The following SCFD2 variants were observed in gnomAD, a reference collection of about 807,000 sequenced individuals.
SCFD2 encodes the protein sec1 family domain-containing protein 2.
SCFD2 carries 54 observed loss-of-function variants against 58.9 expected under a neutral mutation model. The observed-to-expected ratio is 0.92, with a 90% CI of 0.74 to 1.15. The LOEUF (loss-of-function observed/expected upper bound fraction) is 1.15, where lower values mean the gene tolerates loss of function less well. Ranked by LOEUF, SCFD2 falls within the 50% of genes most tolerant of loss-of-function variation. The pLI is 0.00. For synonymous variants in SCFD2, 321 were observed against 335.9 expected (o/e 0.96, Z 0.49); for missense variants, 805 against 836.6 (o/e 0.96, Z 0.47).
At chr4:53,138,719 T>G (rs1307250540) in intron 5 of SCFD2, among the ~76,000 whole-genome samples, 1 of 152,254 alleles carries the variant, frequency 6.6e-6, no homozygotes, top group Non-Finnish European at 1.5e-5. Flanking sequence ...CCATTGAGTA[T>G]GCTTAAATTT....
At chr4:53,221,314 G>T (rs1202436642) in intron 4 of SCFD2, among the ~76,000 whole-genome samples, 4 of 152,186 alleles carry the variant, frequency 2.6e-5, no homozygotes, top group Non-Finnish European at 5.9e-5. Context: ...AAACCAAGGA[G>T]CAAAAGATCT....
At chr4:53,228,138 T>G (rs1253236967) in intron 4 of SCFD2, among the ~76,000 whole-genome samples, 2 of 152,182 alleles carry the variant, frequency 1.3e-5, no homozygotes, top group African/African-American at 2.4e-5. Context: ...ACAATGCATA[T>G]GAAGCATTTA....
chr4:53,125,590 G>A (rs186379194), intron 5 of SCFD2, among the ~76,000 whole-genome samples: 5 of 152,316 alleles, frequency 3.3e-5, no homozygotes, highest in East Asian at 1.9e-4. Flanking sequence ...TGGGACACAC[G>A]CTCATGTTTC....
intron 5 of SCFD2, among the ~76,000 whole-genome samples, chr4:53,119,314 T>A (rs578065310): frequency 9.5e-6 from 1 of 105,016 alleles, no homozygotes; most frequent in East Asian, 2.3e-4. Context: ...CGAGACTCCA[T>A]CTCAAAAAAA....
intron 2 of SCFD2, among the ~76,000 whole-genome samples, chr4:53,325,339 G>A (rs1000257409): frequency 1.8e-4 from 27 of 151,486 alleles, no homozygotes; most frequent in Admixed American, 6.6e-5. Flanking sequence ...GCACTTGAGA[G>A]CCATGACCCA....
chr4:53,235,423 T>C (rs1301037109), intron 4 of SCFD2, among the ~76,000 whole-genome samples: 1 of 152,228 alleles, frequency 6.6e-6, no homozygotes, highest in Non-Finnish European at 1.5e-5. Flanking sequence ...AGTGGGAAGT[T>C]ATGCCTGCTA....
At chr4:52,969,151 T>C in intron 5 of SCFD2, among the ~76,000 whole-genome samples, 1 of 152,116 alleles carries the variant, frequency 6.6e-6, no homozygotes, top group South Asian at 2.1e-4. Flanking sequence ...TAATTTTCCA[T>C]CCACTGACTC....
chr4:52,999,193 C>A (rs549517131), intron 5 of SCFD2, among the ~76,000 whole-genome samples: 1 of 152,210 alleles, frequency 6.6e-6, no homozygotes. Context: ...ATATAATTAG[C>A]ACCCTGATTG....
At chr4:52,924,415 A>G (rs942497985) in intron 5 of SCFD2, among the ~76,000 whole-genome samples, 1 of 152,222 alleles carries the variant, frequency 6.6e-6, no homozygotes, top group African/African-American at 2.4e-5. Context: ...CAACAGAAAA[A>G]TAAGACTGTT....
intron 2 of SCFD2, among the ~76,000 whole-genome samples, chr4:53,336,848 G>C (rs1348917932): frequency 2.0e-5 from 3 of 152,084 alleles, no homozygotes; most frequent in Non-Finnish European, 4.4e-5. Flanking sequence ...AAATAAATCA[G>C]GGCTTTGGTT....
chr4:53,332,226 A>G (rs1022802900), intron 2 of SCFD2, among the ~76,000 whole-genome samples: 1 of 151,170 alleles, frequency 6.6e-6, no homozygotes, highest in Non-Finnish European at 1.5e-5. Context: ...AAAAAGAGGG[A>G]ATCCTCCCTA....
intron 4 of SCFD2, among the ~76,000 whole-genome samples, chr4:53,176,597 C>T (rs1727337609): frequency 6.6e-6 from 1 of 152,214 alleles, no homozygotes; most frequent in African/African-American, 2.4e-5. Flanking sequence ...GAGAAAAAGC[C>T]TTCTAGACCA....
chr4:52,900,170 C>T (rs1439807055), intron 7 of SCFD2, among the ~76,000 whole-genome samples: 1 of 152,174 alleles, frequency 6.6e-6, no homozygotes, highest in Admixed American at 6.5e-5. Context: ...ATTCTCCGTC[C>T]AGTTTTGTTC....
Position 53,289,528 on chromosome 4 carries a change from C to T in SCFD2, c.1136-15527G>A, listed in dbSNP as rs73149240. Among the ~76,000 whole-genome samples the T allele has an allele frequency of 8.6e-3, 1,309 of 152,078 alleles. 24 individuals carry two copies. Among genetic ancestry groups the T allele is most frequent in the African/African-American group, 0.03 (1,237 of 41,476 alleles). On this transcript the variant is annotated intron_variant, in intron 3 of 8. Coordinates refer to ENST00000401642, the MANE Select transcript of SCFD2 (RefSeq NM_152540.4). ...CAAGGCTTAGTACTAAAGAAAACTACTAAATCACAGAAGCAAACAATAAGA... is the reference window on the plus strand; with the variant it reads ...CAAGGCTTAGTACTAAAGAAAACTATTAAATCACAGAAGCAAACAATAAGA...
At chr4:53,184,358 A>G (rs1463159428) in intron 4 of SCFD2, among the ~76,000 whole-genome samples, 1 of 152,084 alleles carries the variant, frequency 6.6e-6, no homozygotes, top group Non-Finnish European at 1.5e-5. Flanking sequence ...TACTCTACCC[A>G]TCTGTTCCTT....
At chr4:53,255,819 C>A (rs6554084) in intron 4 of SCFD2, among the ~76,000 whole-genome samples, 5 of 143,762 alleles carry the variant, frequency 3.5e-5, no homozygotes, top group Non-Finnish European at 6.2e-5. Flanking sequence ...CCTCCCGGAC[C>A]GGGCAGCTGG....
intron 3 of SCFD2, among the ~76,000 whole-genome samples, chr4:53,303,458 G>A (rs1300104576): frequency 3.9e-5 from 6 of 152,186 alleles, no homozygotes; most frequent in African/African-American, 9.7e-5. Context: ...AACAGCACGT[G>A]CTGGAGAGGA....
chr4:53,184,196 G>A (rs1010094700), intron 4 of SCFD2, among the ~76,000 whole-genome samples: 5 of 151,968 alleles, frequency 3.3e-5, no homozygotes, highest in East Asian at 1.9e-4. Flanking sequence ...ATAACCACCC[G>A]TTTAGCTTGG....
At chr4:53,319,694 G>C (rs1359704227) in intron 2 of SCFD2, among the ~76,000 whole-genome samples, 1 of 151,994 alleles carries the variant, frequency 6.6e-6, no homozygotes, top group East Asian at 1.9e-4. Context: ...ATCTCGTCTG[G>C]TTAATTTTTG....
Sources: gnomAD v4.1 joint callset for allele counts (sites outside exome capture counted in the v4.1 genomes callset) on GRCh38, gnomAD v4.1.1 for gene constraint, MANE v1.5 for transcripts, NCBI Gene and HGNC (gene_info 2026-07-23, HGNC 2026-07-21) for gene names.